The following GATAD2B variants were observed in gnomAD, a reference collection of about 807,000 sequenced individuals.
GATAD2B encodes the protein GATA zinc finger domain containing 2B.
Under a neutral mutation model 64.3 loss-of-function variants are expected in GATAD2B, and 8 were observed. That is an observed-to-expected ratio of 0.12 (90% CI 0.07 to 0.22). The LOEUF is 0.22. Ranked by LOEUF, GATAD2B falls within the 10% of genes least tolerant of loss-of-function variation. The pLI, the probability that GATAD2B is intolerant of heterozygous loss-of-function variation, is 1.00. For missense variants in GATAD2B, 453 were observed against 752.0 expected, an observed-to-expected ratio of 0.60 and a Z score of 4.65; for synonymous variants, 281 against 271.3, an observed-to-expected ratio of 1.04 and a Z score of -0.35.
chr1:153,901,468 T>A (rs1296877127), intron 1 of GATAD2B, among the ~76,000 whole-genome samples: 1 of 152,150 alleles, frequency 6.6e-6, no homozygotes, highest in African/African-American at 2.4e-5. Flanking sequence ...AAGATGAGAC[T>A]TCACTGGACA....
intron 1 of GATAD2B, among the ~76,000 whole-genome samples, chr1:153,848,248 T>C (rs533017566): frequency 6.6e-6 from 1 of 152,334 alleles, no homozygotes; most frequent in Non-Finnish European, 1.5e-5. Flanking sequence ...TGTCTCTTTC[T>C]TCTGGCTTAA....
intron 1 of GATAD2B, among the ~76,000 whole-genome samples, chr1:153,901,176 T>G: frequency 6.6e-6 from 1 of 151,076 alleles, no homozygotes; most frequent in East Asian, 1.9e-4. Flanking sequence ...ATAGTGCCAC[T>G]GAACTCCAGC....
chr1:153,842,068 G>A (rs2101902338), intron 1 of GATAD2B, among the ~76,000 whole-genome samples: 2 of 152,092 alleles, frequency 1.3e-5, no homozygotes, highest in South Asian at 4.2e-4. Flanking sequence ...CAAATTCCTG[G>A]CCTCATTCCA....
Position 153,808,658 on chromosome 1 carries a change from C to T in GATAD2B, c.*1519G>A, listed in dbSNP as rs2101871779. 1 of 152,544 alleles carries T rather than the reference C, an allele frequency of 6.6e-6. No individual in the cohort carries two copies. Among genetic ancestry groups the T allele is most frequent in the African/African-American group, 2.4e-5 (1 of 41,476 alleles). The allele number at this position is 152,544 out of a possible 1,614,324, so 9.4% of individuals were successfully genotyped here. A position where few individuals can be genotyped will look rare whatever the true frequency, so the allele number is the denominator to read the frequency against. On this transcript the variant is annotated 3_prime_UTR_variant, in exon 11 of 11. Transcript: ENST00000368655. ...ACTATGAGAAGAGCAGAAACCCGTA[C>T]CTTTAAGGGGCTTCCCTTACTTCAA...
At chr1:153,890,229 C>T in intron 1 of GATAD2B, among the ~76,000 whole-genome samples, 1 of 150,808 alleles carries the variant, frequency 6.6e-6, no homozygotes, top group South Asian at 2.1e-4. Flanking sequence ...GTGGCTCACA[C>T]CTGTAATCCC....
rs1038584934 is a variant in GATAD2B at position 153,903,409 on chromosome 1, G to A, written c.-2+19324C>T. On this transcript the variant is annotated intron_variant, in intron 1 of 10. Transcript: ENST00000368655. Reference sequence around the variant, plus strand: ...ACTCATATCATTGCTCAGAGCCCTGGATTTTCTGCCATAGTTTGAGATTCA... The same window carrying A: ...ACTCATATCATTGCTCAGAGCCCTGAATTTTCTGCCATAGTTTGAGATTCA... Among the ~76,000 whole-genome samples, 4 of 152,184 alleles carry A rather than the reference G, an allele frequency of 2.6e-5. No individual in the cohort carries two copies. In the East Asian group the frequency reaches 7.7e-4, roughly 29 times the overall value.
chr1:153,838,361 A>G lies in GATAD2B; in HGVS notation c.-1-10013T>C, dbSNP rs1430434650. On this transcript the variant is annotated intron_variant, in intron 1 of 10. Transcript: ENST00000368655. ...TTCATTCCAATAGAAAGATGTGCAT[A>G]TAACAAAAATACATAATTGGATGTT... Among the ~76,000 whole-genome samples the G allele has an allele frequency of 3.3e-5, 5 of 152,238 alleles. No homozygotes were observed. The East Asian group carries it at 9.6e-4, about 29-fold the overall frequency.
At chr1:153,871,877 T>C (rs746500028) in intron 1 of GATAD2B, among the ~76,000 whole-genome samples, 2 of 151,832 alleles carry the variant, frequency 1.3e-5, no homozygotes, top group African/African-American at 2.4e-5. Context: ...TTGAACCCAG[T>C]AGGTCAAGGC....
intron 1 of GATAD2B, among the ~76,000 whole-genome samples, chr1:153,847,443 G>T (rs1463725119): frequency 2.6e-5 from 4 of 152,024 alleles, no homozygotes; most frequent in African/African-American, 9.7e-5. Flanking sequence ...GAAGCGCACT[G>T]GTAAAATCAT....
intron 1 of GATAD2B, among the ~76,000 whole-genome samples, chr1:153,839,040 C>T (rs1675373493): frequency 1.5e-5 from 2 of 135,992 alleles, no homozygotes; most frequent in African/African-American, 2.9e-5. Flanking sequence ...ACCTGGGAGG[C>T]AGAGGTTGCA....
intron 1 of GATAD2B, among the ~76,000 whole-genome samples, chr1:153,922,304 G>T (rs1388496726): frequency 6.6e-6 from 1 of 151,150 alleles, no homozygotes; most frequent in Non-Finnish European, 1.5e-5. Context: ...AAAAAAGGGG[G>T]GGGCGCGCTA....
intron 1 of GATAD2B, among the ~76,000 whole-genome samples, chr1:153,870,839 G>A (rs1332798685): frequency 6.6e-6 from 1 of 152,156 alleles, no homozygotes; most frequent in Non-Finnish European, 1.5e-5. Context: ...AGGCATTTTA[G>A]ATAAGGGATA....
In GATAD2B at chr1:153,877,644, G is replaced by A. The variant is rs1003364320; in HGVS notation, c.-2+45089C>T. ...TGTAATCCCAGCACTTTGGGAGGCT[G>A]AGGTGGGGCAACTGCTTGAGCTCAA... On this transcript the variant is annotated intron_variant, in intron 1 of 10. Transcript: ENST00000368655. Among the ~76,000 whole-genome samples the A allele has an allele frequency of 7.2e-5, 11 of 152,162 alleles. No homozygotes were observed. The South Asian group carries it at 2.3e-3, about 32-fold the overall frequency.
At chr1:153,881,154 C>T (rs764759042) in intron 1 of GATAD2B, among the ~76,000 whole-genome samples, 28 of 152,078 alleles carry the variant, frequency 1.8e-4, no homozygotes, top group Admixed American at 2.0e-4. Flanking sequence ...CTTACACACA[C>T]GAGCGCGCGC....
intron 1 of GATAD2B, among the ~76,000 whole-genome samples, chr1:153,905,553 GAAAAAA>G (rs769120730): frequency 6.2e-5 from 4 of 64,660 alleles, no homozygotes; most frequent in African/African-American, 1.7e-4. Flanking sequence ...AACAATTTTG[GAAAAAA>G]AAAAAAAAAA....
intron 1 of GATAD2B, among the ~76,000 whole-genome samples, chr1:153,860,194 T>G (rs1439074749): frequency 6.6e-6 from 1 of 151,432 alleles, no homozygotes; most frequent in East Asian, 2.0e-4. Context: ...GGATTACAGG[T>G]GTGAGCCACT....
At chr1:153,907,220 C>A (rs972535487) in intron 1 of GATAD2B, among the ~76,000 whole-genome samples, 1 of 152,340 alleles carries the variant, frequency 6.6e-6, no homozygotes, top group East Asian at 1.9e-4. Flanking sequence ...TTCACAGCAG[C>A]CTTGTTTGCA....
intron 1 of GATAD2B, among the ~76,000 whole-genome samples, chr1:153,869,650 T>G (rs1330425225): frequency 6.6e-6 from 1 of 152,178 alleles, no homozygotes; most frequent in Non-Finnish European, 1.5e-5. Context: ...TGGTTCCTCT[T>G]ATTGGAGAAT....
intron 1 of GATAD2B, among the ~76,000 whole-genome samples, chr1:153,828,854 C>T (rs975403928): frequency 5.9e-5 from 9 of 152,080 alleles, no homozygotes; most frequent in Non-Finnish European, 7.4e-5. Context: ...AAAGTGTTAA[C>T]GACAAGCTAA....
Sources: allele counts gnomAD v4.1 joint callset (sites outside exome capture counted in the v4.1 genomes callset), GRCh38; gene constraint gnomAD v4.1.1; transcripts MANE v1.5; gene names NCBI Gene and HGNC (gene_info 2026-07-23, HGNC 2026-07-21).